Variants in PRKG1 observed in about 807,000 individuals in gnomAD.
The protein encoded by PRKG1 is protein kinase cGMP-dependent 1.
PRKG1 carries 35 observed loss-of-function variants against 88.1 expected under a neutral mutation model. The observed-to-expected ratio is 0.40, with a 90% CI of 0.30 to 0.53. PRKG1 has a LOEUF of 0.53. Ranked by LOEUF, PRKG1 falls within the 20% of genes least tolerant of loss-of-function variation. The pLI, the probability that PRKG1 is intolerant of heterozygous loss-of-function variation, is 0.59. For missense variants in PRKG1, 540 were observed against 839.8 expected, an observed-to-expected ratio of 0.64 and a Z score of 4.41; for synonymous variants, 303 against 292.5, an observed-to-expected ratio of 1.04 and a Z score of -0.37.
intron 4 of PRKG1, among the ~76,000 whole-genome samples, chr10:51,830,560 GTTTTTTTTTTTTTT>G (rs531412645): frequency 2.4e-5 from 2 of 83,636 alleles, no homozygotes; most frequent in Non-Finnish European, 4.3e-5. Flanking sequence ...TTTTTTTTTT[GTTTTTTTTTTTTTT>G]TTTTTGAGTC....
intron 3 of PRKG1, among the ~76,000 whole-genome samples, chr10:51,538,745 G>A (rs374613969): frequency 1.3e-5 from 2 of 150,692 alleles, no homozygotes; most frequent in Non-Finnish European, 3.0e-5. Flanking sequence ...TAAAAGAGAA[G>A]AAGAAAATAA....
At chr10:51,401,136 T>C (rs1250709348) in intron 2 of PRKG1, among the ~76,000 whole-genome samples, 1 of 152,230 alleles carries the variant, frequency 6.6e-6, no homozygotes, top group Non-Finnish European at 1.5e-5. Flanking sequence ...AATCAGGCAA[T>C]ATTAATTTTA....
chr10:51,545,776 C>T (rs1322068132), intron 3 of PRKG1, among the ~76,000 whole-genome samples: 1 of 151,942 alleles, frequency 6.6e-6, no homozygotes, highest in Non-Finnish European at 1.5e-5. Context: ...CATATATAGT[C>T]CACGCTAGCA....
rs780079655 is a variant in PRKG1 at position 51,205,138 on chromosome 10, T to C, written c.478+51808T>C. On this transcript the variant is annotated intron_variant, in intron 2 of 17. Transcript: ENST00000373980. ...TTTCATTTTCTTTTCTTTTTTTTTT[T>C]TTTTTTTTTTTTTTTTTTTGAGACA... is the stretch of plus-strand genomic sequence containing the variant. Among the ~76,000 whole-genome samples, 284 of 103,938 alleles carry C rather than the reference T, an allele frequency of 2.7e-3. 11 individuals are homozygous for C. The highest frequency in any genetic ancestry group is 4.5e-3 in the Middle Eastern group (1 of 222). 68.2% of individuals were successfully genotyped at this position (103,938 alleles called of 152,430 possible). A position where few individuals can be genotyped will look rare whatever the true frequency, so the allele number is the denominator to read the frequency against.
intron 5 of PRKG1, among the ~76,000 whole-genome samples, chr10:51,967,003 G>A (rs1340603281): frequency 5.9e-5 from 9 of 152,164 alleles, no homozygotes; most frequent in South Asian, 2.1e-4. Flanking sequence ...TCAGTGTGGC[G>A]ATTCCTCAGG....
intron 17 of PRKG1, among the ~76,000 whole-genome samples, chr10:52,291,410 C>A (rs895660554): frequency 1.8e-5 from 2 of 112,608 alleles, no homozygotes; most frequent in Non-Finnish European, 3.5e-5. Flanking sequence ...CCCCCCTCCC[C>A]CCACCCCACA....
chr10:51,923,377 T>C (rs563305949), intron 5 of PRKG1, among the ~76,000 whole-genome samples: 1 of 151,698 alleles, frequency 6.6e-6, no homozygotes, highest in South Asian at 2.1e-4. Flanking sequence ...TTTACACTGT[T>C]CAAATTTAAA....
intron 3 of PRKG1, among the ~76,000 whole-genome samples, chr10:51,752,629 G>A (rs562223437): frequency 2.6e-5 from 4 of 152,228 alleles, no homozygotes; most frequent in Admixed American, 2.6e-4. Context: ...AGATGCAGAT[G>A]AACATTTAAC....
chr10:51,781,834 A>C (rs1249058568), intron 3 of PRKG1, among the ~76,000 whole-genome samples: 1 of 152,144 alleles, frequency 6.6e-6, no homozygotes, highest in Non-Finnish European at 1.5e-5. Flanking sequence ...TCAAGTAAAT[A>C]GTTATATGTG....
At chr10:51,209,784 A>G (rs1158617636) in intron 2 of PRKG1, among the ~76,000 whole-genome samples, 3 of 152,154 alleles carry the variant, frequency 2.0e-5, no homozygotes, top group Non-Finnish European at 2.9e-5. Flanking sequence ...GTATTTTCAA[A>G]AGGAACTGAA....
chr10:52,040,832 CTTTTTTT>C (rs11312625), intron 5 of PRKG1, among the ~76,000 whole-genome samples: 1 of 85,260 alleles, frequency 1.2e-5, no homozygotes, highest in African/African-American at 4.8e-5. Context: ...AATGGCTTTT[CTTTTTTT>C]TTTTTTTTTT....
At chr10:51,306,390 C>T (rs1841038508) in intron 2 of PRKG1, among the ~76,000 whole-genome samples, 1 of 152,172 alleles carries the variant, frequency 6.6e-6, no homozygotes, top group Non-Finnish European at 1.5e-5. Flanking sequence ...ATATTTCCCT[C>T]TTCAACTTTC....
At chr10:51,199,377 C>T (rs964911471) in intron 2 of PRKG1, among the ~76,000 whole-genome samples, 1 of 152,152 alleles carries the variant, frequency 6.6e-6, no homozygotes, top group Non-Finnish European at 1.5e-5. Context: ...TAAGAATACA[C>T]TTAATAAACA....
intron 3 of PRKG1, among the ~76,000 whole-genome samples, chr10:51,500,710 A>G (rs934837915): frequency 1.3e-5 from 2 of 152,152 alleles, no homozygotes; most frequent in African/African-American, 4.8e-5. Context: ...GTTTTGATTC[A>G]GCATTTCTCC....
intron 2 of PRKG1, among the ~76,000 whole-genome samples, chr10:51,316,781 A>C (rs1346550945): frequency 6.6e-6 from 1 of 152,224 alleles, no homozygotes; most frequent in East Asian, 1.9e-4. Context: ...TCTAGTTTCA[A>C]ATATTACCAC....
intron 3 of PRKG1, among the ~76,000 whole-genome samples, chr10:51,547,424 A>G (rs1386568987): frequency 2.6e-5 from 4 of 152,122 alleles, no homozygotes; most frequent in Admixed American, 6.6e-5. Flanking sequence ...CAGCAAATTT[A>G]TATGTTTCAA....
At chr10:51,876,160 T>G (rs1179777066) in intron 4 of PRKG1, among the ~76,000 whole-genome samples, 2 of 152,168 alleles carry the variant, frequency 1.3e-5, no homozygotes, top group Admixed American at 1.3e-4. Context: ...CACAAGTTGT[T>G]AATACATTTG....
intron 2 of PRKG1, among the ~76,000 whole-genome samples, chr10:51,219,560 A>C (rs1309471368): frequency 6.6e-6 from 1 of 151,804 alleles, no homozygotes; most frequent in South Asian, 2.1e-4. Flanking sequence ...ATACAAAAAA[A>C]TTACCCGGGT....
rs57104400 is a variant in PRKG1 at position 51,115,372 on chromosome 10, C to CATATATATATATATATATATATAT, written c.312-37779_312-37778insTATATATATATATATATATATATA. On this transcript the variant is annotated intron_variant, in intron 1 of 17. Transcript: ENST00000373980. ...GATGTTACAATAATGTTCCTTTAAA[C>CATATATATATATATATATATATAT]ATATATATATATAAAACAAATGTGA... 7.0e-3 allele frequency among the ~76,000 whole-genome samples: 223 copies of CATATATATATATATATATATATAT among 31,890 alleles called. 15 individuals are homozygous for CATATATATATATATATATATATAT. Among genetic ancestry groups the CATATATATATATATATATATATAT allele is most frequent in the South Asian group, 0.04 (26 of 658 alleles). The allele number at this position is 31,890 out of a possible 152,430, so 20.9% of individuals were successfully genotyped here. A position where few individuals can be genotyped will look rare whatever the true frequency, so the allele number is the denominator to read the frequency against.
Sources: gnomAD v4.1 joint callset for allele counts (sites outside exome capture counted in the v4.1 genomes callset) on GRCh38, gnomAD v4.1.1 for gene constraint, MANE v1.5 for transcripts, NCBI Gene and HGNC (gene_info 2026-07-23, HGNC 2026-07-21) for gene names.